The following FGF13 variants were observed in gnomAD, a reference collection of about 807,000 sequenced individuals.
The protein encoded by FGF13 is fibroblast growth factor 13, also known as fibroblast growth factor homologous factor 2.
A neutral mutation model predicts 19.5 loss-of-function variants in FGF13; 2 were observed. The ratio of observed to expected loss-of-function variants is 0.10; its 90% CI spans 0.04 to 0.32. FGF13 has a LOEUF of 0.32. Among genes scored for constraint, FGF13 ranks in the 10% least tolerant of loss-of-function variants. The pLI is 1.00. For synonymous variants in FGF13, 72 were observed against 76.9 expected, an observed-to-expected ratio of 0.94 and a Z score of 0.33; for missense variants, 113 against 192.7, an observed-to-expected ratio of 0.59 and a Z score of 2.45.
At chrX:138,874,094 G>A (rs1298066859) in intron 1 of FGF13, among the ~76,000 whole-genome samples, 1 of 103,888 alleles carries the variant, frequency 9.6e-6, no homozygotes, top group Non-Finnish European at 2.0e-5. Flanking sequence ...CATGGTACAT[G>A]TATACATATG....
intron 1 of FGF13, among the ~76,000 whole-genome samples, chrX:139,085,416 T>C (rs1444650737): frequency 2.7e-5 from 3 of 111,983 alleles, no homozygotes; most frequent in Non-Finnish European, 5.6e-5. Context: ...CTAAAGCACA[T>C]AGCACAATGC....
At chrX:138,637,556 T>C (rs967502743) in intron 3 of FGF13, among the ~76,000 whole-genome samples, 1 of 112,400 alleles carries the variant, frequency 8.9e-6, no homozygotes, top group African/African-American at 3.2e-5. Flanking sequence ...GTCCCAAAAA[T>C]GGGCTGCATT....
At position 138,678,787 on chromosome X, in the gene FGF13, G is replaced by A. The variant is rs183882372; in HGVS notation, c.402+24197C>T. Among the ~76,000 whole-genome samples the A allele has an allele frequency of 2.7e-5, 3 of 111,768 alleles. No homozygotes were observed. The East Asian group carries it at 8.5e-4, about 32-fold the overall frequency. ...AGTACCCTCAACCAAATTAAACAGG[G>A]AACAAAGCACTCACAAGAGATGTTT... On this transcript the variant is annotated intron_variant, in intron 3 of 4. Transcript: ENST00000315930.
Position 138,617,364 on chromosome X carries a change from G to C in FGF13, c.*15486C>G, listed in dbSNP as rs762367433. 1.8e-3 allele frequency: 205 copies of C among 111,910 alleles called. No individual in the cohort carries two copies. Among genetic ancestry groups the C allele is most frequent in the African/African-American group, 6.4e-3 (199 of 30,861 alleles). The allele number at this position is 111,910 out of a possible 1,213,427, so 9.2% of individuals were successfully genotyped here. ...TATTTTATAGATAAGAGCATTAATT[G>C]ATGGATATATTTTCATAATGAAATG... On this transcript the variant is annotated 3_prime_UTR_variant, in exon 5 of 5. Transcript: ENST00000315930.
intron 3 of FGF13, among the ~76,000 whole-genome samples, chrX:138,744,433 AT>A (rs1346367786): frequency 9.0e-6 from 1 of 111,697 alleles, no homozygotes. Flanking sequence ...GGTGATAATT[AT>A]TTCTTTATTG....
chrX:139,096,174 A>T (rs908728773), intron 1 of FGF13, among the ~76,000 whole-genome samples: 1 of 111,982 alleles, frequency 8.9e-6, no homozygotes, highest in Non-Finnish European at 1.9e-5. Context: ...CTCACAACCT[A>T]CTAGTTTGCA....
rs922863696 is a variant in FGF13 at position 138,616,329 on chromosome X, A to G, written c.*16521T>C. On this transcript the variant is annotated 3_prime_UTR_variant, in exon 5 of 5. Transcript: ENST00000315930. ...GCCAAAACAAAGGGGCTATAGGCCC[A>G]TGCAAGTCCAAAATCCAATAGGGCA... is the stretch of plus-strand genomic sequence containing the variant. The G allele has an allele frequency of 8.9e-6, 1 of 112,770 alleles. No individual in the cohort carries two copies. The highest frequency in any genetic ancestry group is 3.2e-5 in the African/African-American group (1 of 31,052). The allele number at this position is 112,770 out of a possible 1,213,427, so 9.3% of individuals were successfully genotyped here.
chrX:138,723,216 T>A (rs1343703995), intron 1 of FGF13, among the ~76,000 whole-genome samples: 2 of 111,927 alleles, frequency 1.8e-5, no homozygotes, highest in Non-Finnish European at 3.8e-5. Context: ...TCTTACTTTC[T>A]TTCTGTTTAT....
intron 3 of FGF13, among the ~76,000 whole-genome samples, chrX:138,764,457 A>C (rs1392628739): frequency 4.4e-5 from 5 of 112,859 alleles, no homozygotes; most frequent in African/African-American, 1.6e-4. Flanking sequence ...CGCAAGGTCA[A>C]ATCTGGCCCA....
chrX:138,883,479 T>C (rs761114831), intron 1 of FGF13, among the ~76,000 whole-genome samples: 16 of 111,417 alleles, frequency 1.4e-4, no homozygotes, highest in Non-Finnish European at 2.4e-4. Flanking sequence ...GGAAGATCAA[T>C]CACTTTAAGG....
chrX:139,005,192 TG>T (rs2092095505), intron 1 of FGF13, among the ~76,000 whole-genome samples: 2 of 11,742 alleles, frequency 1.7e-4, no homozygotes, highest in Non-Finnish European at 3.4e-4. Context: ...CTTGTGTCAC[TG>T]CCCCCCCCCC....
chrX:138,915,320 A>T (rs5976219), intron 1 of FGF13, among the ~76,000 whole-genome samples: 2,392 of 111,861 alleles, frequency 0.021, 59 homozygotes, highest in African/African-American at 0.072. Flanking sequence ...CTGACTTAAG[A>T]CACTTATCCT....
intron 3 of FGF13, among the ~76,000 whole-genome samples, chrX:138,683,406 C>T (rs971191195): frequency 2.8e-5 from 3 of 108,638 alleles, no homozygotes; most frequent in Non-Finnish European, 5.7e-5. Flanking sequence ...CACACTCTCT[C>T]TCTCTCTCTC....
At chrX:138,862,088 T>C (rs2091291336) in intron 2 of FGF13, among the ~76,000 whole-genome samples, 1 of 112,137 alleles carries the variant, frequency 8.9e-6, no homozygotes, top group African/African-American at 3.2e-5. Flanking sequence ...CAGTATTTTT[T>C]ACTTTTCAAG....
At chrX:139,131,779 GA>G (rs2083764277) in intron 1 of FGF13, among the ~76,000 whole-genome samples, 1 of 111,409 alleles carries the variant, frequency 9.0e-6, no homozygotes, top group Non-Finnish European at 1.9e-5. Flanking sequence ...CTAGAAGTCT[GA>G]ATTCTTTCTA....
intron 3 of FGF13, among the ~76,000 whole-genome samples, chrX:138,772,101 C>G (rs1271146901): frequency 1.0e-5 from 1 of 95,785 alleles, no homozygotes. Context: ...ATATCCATCA[C>G]CATGTCGTAT....
intron 3 of FGF13, among the ~76,000 whole-genome samples, chrX:138,663,249 T>TTG (rs1249046173): frequency 8.9e-6 from 1 of 111,835 alleles, no homozygotes; most frequent in African/African-American, 3.2e-5. Flanking sequence ...ATTGAAATGA[T>TTG]TGTGTATTTT....
At chrX:138,989,544 T>C (rs1473841758) in intron 1 of FGF13, among the ~76,000 whole-genome samples, 1 of 111,898 alleles carries the variant, frequency 8.9e-6, no homozygotes, top group Non-Finnish European at 1.9e-5. Context: ...AGATTTCATC[T>C]GAAAAATAAC....
In FGF13 at chrX:139,085,591, T is replaced by C. The variant is rs142375034; in HGVS notation, c.-113+117825A>G. Among the ~76,000 whole-genome samples the C allele has an allele frequency of 1.6e-3, 175 of 112,291 alleles. 1 individual carries two copies. Among genetic ancestry groups the C allele is most frequent in the African/African-American group, 5.5e-3 (170 of 30,972 alleles). ...CTACATTTTAGCCTTAGTTTCATTA[T>C]ATTGCATCATTATCATCATGAGCAA... On this transcript the variant is annotated intron_variant, in intron 1 of 2. Coordinates refer to the FGF13 transcript ENST00000421460.
Sources: allele counts gnomAD v4.1 joint callset (sites outside exome capture counted in the v4.1 genomes callset), GRCh38; gene constraint gnomAD v4.1.1; transcripts MANE v1.5; gene names NCBI Gene and HGNC (gene_info 2026-07-23, HGNC 2026-07-21).